RP1: variants seen among roughly 807,000 people sequenced by gnomAD.
The protein encoded by RP1 is oxygen-regulated protein 1.
Under a neutral mutation model 14.8 loss-of-function variants are expected in RP1, and 16 were observed. The ratio of observed to expected loss-of-function variants is 1.08; its 90% confidence interval spans 0.73 to 1.65. RP1 has a LOEUF of 1.65. Among genes scored for constraint, RP1 ranks in the 40% most tolerant of loss-of-function variants. RP1 has a pLI of 0.00. For missense variants in RP1, 2,631 were observed against 2,535.0 expected (o/e 1.04, Z -0.81); for synonymous variants, 876 against 883.6 (o/e 0.99, Z 0.15).
intron 25 of RP1, among the ~76,000 whole-genome samples, chr8:54,842,795 G>A (rs1381770800): frequency 1.3e-5 from 2 of 152,098 alleles, no homozygotes; most frequent in Admixed American, 1.3e-4. Flanking sequence ...GCCACCACCT[G>A]CTGCCCCCAA....
intron 18 of RP1, among the ~76,000 whole-genome samples, chr8:54,736,486 T>G (rs1457810660): frequency 6.6e-6 from 1 of 152,158 alleles, no homozygotes; most frequent in Non-Finnish European, 1.5e-5. Flanking sequence ...TTAAAAGCCT[T>G]GCTGTGTAGT....
At chr8:54,826,901 G>A (rs1349876824) in intron 24 of RP1, among the ~76,000 whole-genome samples, 1 of 152,202 alleles carries the variant, frequency 6.6e-6, no homozygotes, top group Non-Finnish European at 1.5e-5. Flanking sequence ...CCTGCTACTC[G>A]CCTATGCTAT....
chr8:54,569,283 G>A (rs955574748), intron 1 of RP1, among the ~76,000 whole-genome samples: 1 of 152,222 alleles, frequency 6.6e-6, no homozygotes, highest in African/African-American at 2.4e-5. Flanking sequence ...AATTGGTTTG[G>A]ATTCTTGGGG....
intron 22 of RP1, among the ~76,000 whole-genome samples, chr8:54,768,803 G>A (rs1251170587): frequency 6.6e-6 from 1 of 152,054 alleles, no homozygotes; most frequent in Non-Finnish European, 1.5e-5. Flanking sequence ...AAGTTTACCT[G>A]GTTTAGGGGG....
chr8:54,831,087 A>G (rs1391457), intron 24 of RP1, among the ~76,000 whole-genome samples: 1 of 151,916 alleles, frequency 6.6e-6, no homozygotes, highest in African/African-American at 2.4e-5. Context: ...ATATCACAAT[A>G]TGTTGATACA....
downstream of RP1, among the ~76,000 whole-genome samples, chr8:54,633,878 T>G (rs889329606): frequency 1.1e-4 from 17 of 152,028 alleles, no homozygotes; most frequent in African/African-American, 4.1e-4. Flanking sequence ...TGTATTATCT[T>G]AGTCCTCACG....
intron 12 of RP1, among the ~76,000 whole-genome samples, chr8:54,688,941 T>G (rs1214601903): frequency 6.6e-6 from 1 of 152,212 alleles, no homozygotes; most frequent in Non-Finnish European, 1.5e-5. Context: ...TTCCTATCCA[T>G]GAGCATGGAA....
intron 24 of RP1, among the ~76,000 whole-genome samples, chr8:54,830,537 G>A (rs960446309): frequency 6.6e-6 from 1 of 151,658 alleles, no homozygotes; most frequent in Non-Finnish European, 1.5e-5. Flanking sequence ...GTGTTTTCTT[G>A]GTATCTCATT....
At chr8:54,563,904 A>G (rs1487911385) in intron 1 of RP1, among the ~76,000 whole-genome samples, 3 of 152,164 alleles carry the variant, frequency 2.0e-5, no homozygotes, top group South Asian at 2.1e-4. Context: ...ATCTCAATAC[A>G]TTTGTCTAGC....
chr8:54,589,993 A>G (rs1314341777), intron 1 of RP1, among the ~76,000 whole-genome samples: 1 of 152,082 alleles, frequency 6.6e-6, no homozygotes, highest in African/African-American at 2.4e-5. Flanking sequence ...TATGTTCTCA[A>G]TAACTCATCC....
downstream of RP1, among the ~76,000 whole-genome samples, chr8:54,631,853 T>G (rs930287194): frequency 5.9e-5 from 9 of 151,820 alleles, no homozygotes; most frequent in Non-Finnish European, 1.2e-4. Flanking sequence ...AGATTTTTTT[T>G]TTTTTGAGAC....
chr8:54,704,843 T>C (rs1277857401), intron 14 of RP1, among the ~76,000 whole-genome samples: 1 of 151,352 alleles, frequency 6.6e-6, no homozygotes, highest in East Asian at 1.9e-4. Context: ...CTATTACATG[T>C]ATACACACAC....
At chr8:54,801,466 C>A (rs955989400) in intron 24 of RP1, among the ~76,000 whole-genome samples, 1 of 152,092 alleles carries the variant, frequency 6.6e-6, no homozygotes, top group Non-Finnish European at 1.5e-5. Flanking sequence ...TTCTTAGTTG[C>A]AATGTATTTT....
At chr8:54,720,368 C>A in intron 16 of RP1, 1 of 1,366,776 alleles carries the variant, frequency 7.3e-7, no homozygotes, top group South Asian at 1.5e-5. Flanking sequence ...TGTACAGTGT[C>A]TGAAAATTTC....
intron 19 of RP1, among the ~76,000 whole-genome samples, chr8:54,744,760 C>A (rs989814713): frequency 3.3e-5 from 5 of 152,216 alleles, no homozygotes; most frequent in African/African-American, 1.2e-4. Flanking sequence ...TATTCCTCCA[C>A]GTGCATTTGC....
chr8:54,806,805 C>T (rs948411302), intron 24 of RP1, among the ~76,000 whole-genome samples: 1 of 152,086 alleles, frequency 6.6e-6, no homozygotes, highest in African/African-American at 2.4e-5. Flanking sequence ...TGAAGAGGAA[C>T]ATTTAGTACC....
chr8:54,739,153 T>A (rs539522735), intron 19 of RP1: 1 of 533,126 alleles, frequency 1.9e-6, no homozygotes, highest in Non-Finnish European at 3.2e-6. Context: ...ACAGTGGGGT[T>A]ATGCCTCTGT....
chr8:54,766,047 G>A (rs1018870040), intron 22 of RP1, among the ~76,000 whole-genome samples: 8 of 152,094 alleles, frequency 5.3e-5, no homozygotes, highest in Non-Finnish European at 7.4e-5. Context: ...GACGATGGAT[G>A]GAAAACACAG....
Position 54,621,574 on chromosome 8 carries a change from G to T in RP1, c.608G>T (p.Gly203Val), listed in dbSNP as rs1261750291. 6.2e-7 allele frequency: 1 copy of T among 1,614,130 alleles called. No homozygotes were observed. The highest frequency in any genetic ancestry group is 1.1e-5 in the South Asian group (1 of 91,080). ...GTGGTCAAGCTGTACGCTACGGACG[G>T]AAGGAGGGTGAGCGTTCTGGGGGCT... ...RPVVKLYATD[G>V]RRVPSLQAVI... is the part of the protein sequence containing the mutation. The change falls in exon 2 of 4, where the codon GGA (glycine) becomes GTA (valine). Residue 203 changes from glycine (G) to valine (V), a missense_variant. Physicochemically the swap from Gly to Val is moderately radical, Grantham distance 109. Coordinates refer to ENST00000220676, the MANE Select transcript of RP1 (RefSeq NM_006269.2).
Sources: gnomAD v4.1 joint callset for allele counts (sites outside exome capture counted in the v4.1 genomes callset) on GRCh38, gnomAD v4.1.1 for gene constraint, MANE v1.5 for transcripts, NCBI Gene and HGNC (gene_info 2026-07-23, HGNC 2026-07-21) for gene names.